Variants in HEATR5B observed in about 807,000 individuals in gnomAD.
HEATR5B encodes HEAT repeat containing 5B.
Under a neutral mutation model 224.1 loss-of-function variants are expected in HEATR5B, and 156 were observed. The observed-to-expected ratio is 0.70, with a 90% CI of 0.61 to 0.80. The LOEUF (loss-of-function observed/expected upper bound fraction) is 0.80. HEATR5B is among the 30% of genes least tolerant of loss of function. HEATR5B has a pLI of 0.00. For missense variants in HEATR5B, 2,323 were observed against 2,535.5 expected, an observed-to-expected ratio of 0.92 and a Z score of 1.80; for synonymous variants, 1,027 against 893.0, an observed-to-expected ratio of 1.15 and a Z score of -2.68.
chr2:37,011,302 G>A (rs1054735501), intron 27 of HEATR5B, among the ~76,000 whole-genome samples: 11 of 152,182 alleles, frequency 7.2e-5, no homozygotes, highest in Admixed American at 6.5e-4. Context: ...CACAAAAACA[G>A]GAAACTGCAT....
intron 26 of HEATR5B, among the ~76,000 whole-genome samples, chr2:37,015,627 A>G (rs1170939207): frequency 6.6e-6 from 1 of 152,192 alleles, no homozygotes; most frequent in Non-Finnish European, 1.5e-5. Flanking sequence ...AGGTGATACT[A>G]CTGCTTTACG....
chr2:36,989,038 T>A (rs1666140886), intron 34 of HEATR5B, among the ~76,000 whole-genome samples, 179 bp from the exon 35 acceptor site: 1 of 152,206 alleles, frequency 6.6e-6, no homozygotes, highest in African/African-American at 2.4e-5. Flanking sequence ...TAGTCAAAAA[T>A]GTTCATATAT....
rs552886597 is a variant in HEATR5B at position 36,984,176 on chromosome 2, G to C, written c.5912-2382C>G. Among the ~76,000 whole-genome samples, 33 of 93,228 alleles carry C rather than the reference G, an allele frequency of 3.5e-4. No individual in the cohort carries two copies. The South Asian group carries it at 0.012, about 33-fold the overall frequency. 61.2% of individuals were successfully genotyped at this position (93,228 alleles called of 152,430 possible). The stretch of plus-strand genomic sequence containing the variant: ...GATCAGGCCACTGCACTCCAGCCTG[G>C]GCAACAAGAGTGAAACTCTGTCTCA... On this transcript the variant is annotated intron_variant, in intron 35 of 35. Transcript: ENST00000233099.
intron 21 of HEATR5B, among the ~76,000 whole-genome samples, chr2:37,034,974 A>T (rs1369296510): frequency 2.0e-5 from 3 of 152,258 alleles, no homozygotes; most frequent in Non-Finnish European, 2.9e-5. Flanking sequence ...AGAACAAGTC[A>T]CTTAGTCTCT....
At chr2:37,005,810 G>A (rs767472544) in intron 29 of HEATR5B, 51 bp from the exon 30 acceptor site, 2 of 1,392,236 alleles carry the variant, frequency 1.4e-6, no homozygotes, top group Non-Finnish European at 1.9e-6. Context: ...AACACTTTAT[G>A]TTGTTTGATC....
intron 22 of HEATR5B, among the ~76,000 whole-genome samples, chr2:37,030,301 A>C (rs1024521933): frequency 1.3e-4 from 20 of 152,256 alleles, no homozygotes; most frequent in African/African-American, 4.8e-4. Flanking sequence ...GGGTTCCAAG[A>C]AAAGAGAACA....
rs368998736 is a variant in HEATR5B, at chr2:37,020,613, A to G, written c.4035+42T>C. The G allele has an allele frequency of 2.4e-5, 34 of 1,428,206 alleles. No individual in the cohort carries two copies. The African/African-American group carries it at 2.7e-4, about 12-fold the overall frequency. 88.5% of individuals were successfully genotyped at this position (1,428,206 alleles called of 1,614,324 possible). A position where few individuals can be genotyped will look rare whatever the true frequency, so the allele number is the denominator to read the frequency against. On this transcript the variant is annotated intron_variant, in intron 25 of 35. Transcript: ENST00000233099. ...GTCTGCACTTCTTCAGCAATCTTTC[A>G]AAAGATCAATTTTAAGTTCTTAAAT...
intron 20 of HEATR5B, among the ~76,000 whole-genome samples, chr2:37,040,109 C>T (rs556505259): frequency 3.9e-5 from 6 of 152,244 alleles, no homozygotes; most frequent in African/African-American, 1.4e-4. Flanking sequence ...TTTCTCTGCT[C>T]AAAACTTCAA....
chr2:37,072,041 C>T, intron 6 of HEATR5B, 69 bp downstream of exon 6: 1 of 1,256,704 alleles, frequency 8.0e-7, no homozygotes, highest in Admixed American at 2.4e-5. Context: ...AAATCCATTA[C>T]ACTGACTTGC....
intron 24 of HEATR5B, among the ~76,000 whole-genome samples, chr2:37,026,567 G>A (rs961177137): frequency 6.6e-6 from 1 of 152,112 alleles, no homozygotes; most frequent in Non-Finnish European, 1.5e-5. Flanking sequence ...ACTGGGACAC[G>A]CCATAACTAT....
At chr2:37,028,284 C>T (rs1668905817) in intron 23 of HEATR5B, 110 bp from the exon 24 acceptor site, 2 of 654,682 alleles carry the variant, frequency 3.1e-6, no homozygotes, top group African/African-American at 1.9e-5. Flanking sequence ...TAAATTCTTA[C>T]TTGCTGGAAA....
At chr2:37,045,459 TGAAGCAATATCGTTCC>T (rs1670130246) in intron 18 of HEATR5B, among the ~76,000 whole-genome samples, 1 of 152,244 alleles carries the variant, frequency 6.6e-6, no homozygotes, top group East Asian at 1.9e-4. Context: ...CTCCCATTAC[TGAAGCAATATCGTTCC>T]GAGGGCTTCA....
intron 6 of HEATR5B, among the ~76,000 whole-genome samples, chr2:37,071,574 A>G (rs1447402709): frequency 1.3e-5 from 2 of 152,190 alleles, no homozygotes; most frequent in African/African-American, 2.4e-5. Flanking sequence ...ATCCAAAATC[A>G]TTTCATAAAT....
chr2:37,053,538 C>T lies in HEATR5B; in HGVS notation c.2469G>A (p.Gln823=). The T allele has an allele frequency of 6.2e-7, 1 of 1,609,300 alleles. No homozygotes were observed. Among genetic ancestry groups the T allele is most frequent in the Non-Finnish European group, 8.5e-7 (1 of 1,176,452 alleles). Residue 823 remains glutamine, a synonymous_variant, in exon 17 of 36, where the codon CAG becomes CAA. Coordinates refer to ENST00000233099, the MANE Select transcript of HEATR5B (RefSeq NM_019024.3). ...TAAGAACAGCAGTAAATATGTTAAG[C>T]TGCACAGCCTGCTGGCGGACACCTT... ...QAKGVRQQAV[Q]LNIFTAVLSA...
In HEATR5B at chr2:37,026,653, T is replaced by G. The variant is rs534555145; in HGVS notation, c.3853+1270A>C. Among the ~76,000 whole-genome samples the G allele has an allele frequency of 1.2e-4, 18 of 152,350 alleles. No homozygotes were observed. The South Asian group carries it at 3.5e-3, about 30-fold the overall frequency. ...GTATGGACTATGTTTTTTTCTTCTA[T>G]GTATCCCTACCATATACCAAAAAAC... On this transcript the variant is annotated intron_variant, in intron 24 of 35. Coordinates refer to ENST00000233099, the MANE Select transcript of HEATR5B (RefSeq NM_019024.3).
intron 24 of HEATR5B, among the ~76,000 whole-genome samples, chr2:37,021,990 T>C (rs760005883): frequency 6.6e-6 from 1 of 151,794 alleles, no homozygotes; most frequent in African/African-American, 2.4e-5. Context: ...TTTTCCTTCC[T>C]GCTGTTCTTT....
intron 16 of HEATR5B, among the ~76,000 whole-genome samples, chr2:37,055,308 G>A (rs965965011): frequency 2.6e-5 from 4 of 151,528 alleles, no homozygotes; most frequent in Non-Finnish European, 5.9e-5. Flanking sequence ...ATTTTTAATA[G>A]AATTTATTTA....
At chr2:37,001,148 A>G (rs547138630) in intron 32 of HEATR5B, among the ~76,000 whole-genome samples, 1 of 152,362 alleles carries the variant, frequency 6.6e-6, no homozygotes, top group South Asian at 2.1e-4. Flanking sequence ...ACCACACCAG[A>G]TACTGTGGGA....
In HEATR5B at chr2:37,003,549, G is replaced by T. The variant is rs765709305; in HGVS notation, c.5043C>A (p.Asn1681Lys). ...AAQDYLQEKR[N>K]TLNEDDMEKE... Reference sequence around the variant, plus strand: ...GTAATTTCTAGTGCTTACTTAGAGTGTTTCTTTTCTCTTGCAAATAATCCT... The same window carrying T: ...GTAATTTCTAGTGCTTACTTAGAGTTTTTCTTTTCTCTTGCAAATAATCCT... The change falls in exon 31 of 36, where the codon AAC (asparagine) becomes AAA (lysine). Residue 1681 changes from asparagine to lysine, a missense_variant. This residue lies in a region of HEATR5B where 844 missense variants were observed against 812.9 expected (regional missense o/e 1.04). Transcript: ENST00000233099. 3.6e-5 allele frequency: 57 copies of T among 1,602,194 alleles called. No individual in the cohort carries two copies. The highest frequency in any genetic ancestry group is 4.8e-5 in the Non-Finnish European group (56 of 1,173,320).
Sources: gnomAD v4.1 joint callset for allele counts (sites outside exome capture counted in the v4.1 genomes callset) on GRCh38, gnomAD v4.1.1 for gene constraint, gnomAD v4.1.1 regional missense constraint, MANE v1.5 for transcripts, NCBI Gene and HGNC (gene_info 2026-07-23, HGNC 2026-07-21) for gene names.